PODXL2: variants seen among roughly 807,000 people sequenced by gnomAD.
The protein encoded by PODXL2 is podocalyxin like 2, also known as podocalyxin-like protein 2.
PODXL2 carries 17 observed loss-of-function variants against 53.4 expected under a neutral mutation model. That is an observed-to-expected ratio of 0.32 (90% CI 0.22 to 0.48). The LOEUF (loss-of-function observed/expected upper bound fraction) is 0.48. PODXL2 is among the 20% of genes least tolerant of loss of function. The pLI, the probability that PODXL2 is intolerant of heterozygous loss-of-function variation, is 0.99. For synonymous variants in PODXL2, 311 were observed against 306.7 expected, an observed-to-expected ratio of 1.01 and a Z score of -0.15; for missense variants, 673 against 760.0, an observed-to-expected ratio of 0.89 and a Z score of 1.35.
intron 6 of PODXL2, among the ~76,000 whole-genome samples, chr3:127,670,800 C>T (rs543420557): frequency 3.2e-4 from 48 of 152,316 alleles, no homozygotes; most frequent in African/African-American, 1.1e-3. Flanking sequence ...TGGCCCCTGG[C>T]GCCGATCTCC....
intron 4 of PODXL2, 28 bp from the exon 5 acceptor site, chr3:127,668,413 A>C: frequency 6.7e-7 from 1 of 1,497,452 alleles, no homozygotes; most frequent in South Asian, 1.4e-5. Context: ...CCTTCACTGA[A>C]CACGGGGGGC....
In PODXL2 at chr3:127,660,432, A is replaced by G; in HGVS notation, c.404A>G (p.Gln135Arg). 1.2e-6 allele frequency: 2 copies of G among 1,614,140 alleles called. No individual in the cohort carries two copies. Among genetic ancestry groups the G allele is most frequent in the Non-Finnish European group, 1.7e-6 (2 of 1,179,964 alleles). Reference protein sequence around the residue: ...EKAGSIEDTSQAQELPNLPSP... With the variant: ...EKAGSIEDTSRAQELPNLPSP... The stretch of plus-strand genomic sequence containing the variant: ...GCAGGTTCCATTGAAGACACCAGCC[A>G]GGCTCAAGAGCTGCCAAACCTCCCC... The change falls in exon 3 of 8, where the codon CAG becomes CGG. Residue 135 changes from glutamine to arginine, a missense_variant. Coordinates refer to ENST00000342480, the MANE Select transcript of PODXL2 (RefSeq NM_015720.4).
At chr3:127,644,393 G>A (rs539555255) in intron 2 of PODXL2, among the ~76,000 whole-genome samples, 7 of 152,278 alleles carry the variant, frequency 4.6e-5, no homozygotes, top group African/African-American at 9.6e-5. Flanking sequence ...GGTGTGAGCC[G>A]CTGTGCCTGG....
At chr3:127,637,307 C>T (rs752084711) in intron 1 of PODXL2, among the ~76,000 whole-genome samples, 1 of 152,216 alleles carries the variant, frequency 6.6e-6, no homozygotes, top group Non-Finnish European at 1.5e-5. Flanking sequence ...TAGAATCACT[C>T]TGATATTCTT....
At chr3:127,659,945 A>G (rs2074752920) in intron 2 of PODXL2, among the ~76,000 whole-genome samples, 1 of 152,064 alleles carries the variant, frequency 6.6e-6, no homozygotes. Flanking sequence ...TCCTTCGGGG[A>G]CTCCACCAAG....
intron 1 of PODXL2, 72 bp from the exon 2 acceptor site, chr3:127,639,173 A>G: frequency 1.4e-6 from 2 of 1,439,352 alleles, no homozygotes; most frequent in Non-Finnish European, 1.9e-6. Flanking sequence ...CATTTGAGAC[A>G]TGCTCTAACC....
intron 2 of PODXL2, among the ~76,000 whole-genome samples, chr3:127,653,938 A>G (rs2074705347): frequency 6.6e-6 from 1 of 152,224 alleles, no homozygotes; most frequent in Non-Finnish European, 1.5e-5. Context: ...TTTCTTAGGA[A>G]CAAAGCATTC....
rs2074555393 is a variant in PODXL2 at position 127,632,860 on chromosome 3, T to C, written c.70+3571T>C. Reference sequence around the variant, plus strand: ...AGCTCAGGAGTGACTGTATTTTTCTTTGTAATCGAGAGTCTAATAGAAATT... The same window carrying C: ...AGCTCAGGAGTGACTGTATTTTTCTCTGTAATCGAGAGTCTAATAGAAATT... On this transcript the variant is annotated intron_variant, in intron 1 of 7. Transcript: ENST00000342480. 2.0e-5 allele frequency among the ~76,000 whole-genome samples: 3 copies of C among 152,220 alleles called. No homozygotes were observed. In the South Asian group the frequency reaches 6.2e-4, roughly 31 times the overall value.
chr3:127,652,349 AG>A (rs1251459798), intron 2 of PODXL2, among the ~76,000 whole-genome samples: 4 of 152,128 alleles, frequency 2.6e-5, no homozygotes, highest in East Asian at 1.9e-4. Flanking sequence ...TAGAGCCACC[AG>A]GGGGGGCTGT....
intron 7 of PODXL2, 144 bp downstream of exon 7, chr3:127,671,757 G>A (rs2074843161): frequency 1.3e-6 from 1 of 776,782 alleles, no homozygotes; most frequent in Non-Finnish European, 2.1e-6. Flanking sequence ...TAGCACTGCT[G>A]ACTGCTCTGC....
intron 1 of PODXL2, among the ~76,000 whole-genome samples, chr3:127,633,059 G>A (rs536966779): frequency 6.6e-6 from 1 of 152,316 alleles, no homozygotes; most frequent in African/African-American, 2.4e-5. Flanking sequence ...ACATGCAAAT[G>A]TAAATAAAGG....
chr3:127,661,322 G>A (rs970502448), intron 3 of PODXL2, among the ~76,000 whole-genome samples, 163 bp downstream of exon 3: 3 of 152,184 alleles, frequency 2.0e-5, no homozygotes, highest in Non-Finnish European at 4.4e-5. Context: ...CAAACCTCAG[G>A]GCCAACAATG....
intron 2 of PODXL2, among the ~76,000 whole-genome samples, chr3:127,640,314 T>C (rs999975433): frequency 6.6e-6 from 1 of 152,086 alleles, no homozygotes; most frequent in Non-Finnish European, 1.5e-5. Flanking sequence ...TTTTTCTTTT[T>C]AAAATAGGTA....
intron 2 of PODXL2, among the ~76,000 whole-genome samples, chr3:127,639,735 G>A (rs968130148): frequency 2.0e-5 from 3 of 152,206 alleles, no homozygotes; most frequent in Non-Finnish European, 4.4e-5. Context: ...ACTAACCACT[G>A]TTTAGGGAGC....
At chr3:127,634,830 A>C (rs1196256441) in intron 1 of PODXL2, among the ~76,000 whole-genome samples, 2 of 152,220 alleles carry the variant, frequency 1.3e-5, no homozygotes, top group Non-Finnish European at 2.9e-5. Flanking sequence ...CTGTGTCAGA[A>C]GACTCGGGTG....
At chr3:127,653,031 T>G (rs1211427430) in intron 2 of PODXL2, among the ~76,000 whole-genome samples, 1 of 152,150 alleles carries the variant, frequency 6.6e-6, no homozygotes, top group Non-Finnish European at 1.5e-5. Flanking sequence ...ATCTCCCTCC[T>G]TTTCCTGCTC....
At chr3:127,645,509 G>C (rs2074646869) in intron 2 of PODXL2, among the ~76,000 whole-genome samples, 1 of 152,228 alleles carries the variant, frequency 6.6e-6, no homozygotes, top group Admixed American at 6.5e-5. Context: ...GTGGTGCCCT[G>C]TCCGGGGCTC....
chr3:127,634,742 A>T (rs978970995), intron 1 of PODXL2, among the ~76,000 whole-genome samples: 9 of 152,092 alleles, frequency 5.9e-5, no homozygotes, highest in Non-Finnish European at 1.2e-4. Context: ...AAATAAAAAT[A>T]AAAAATAAAT....
Position 127,672,618 on chromosome 3 carries a change from C to G in PODXL2, c.*138C>G, listed in dbSNP as rs949369033. 1 of 539,420 alleles carries G rather than the reference C, an allele frequency of 1.9e-6. No individual in the cohort carries two copies. The highest frequency in any genetic ancestry group is 3.1e-6 in the Non-Finnish European group (1 of 324,264). The allele number at this position is 539,420 out of a possible 1,614,324, so 33.4% of individuals were successfully genotyped here. The stretch of plus-strand genomic sequence containing the variant: ...CTGGCCCTCGGCGCGGGCTCCTTCC[C>G]GCTTCCCCCGACTTCACACGGCGGC... On this transcript the variant is annotated 3_prime_UTR_variant, in exon 8 of 8. Coordinates refer to ENST00000342480, the MANE Select transcript of PODXL2 (RefSeq NM_015720.4).
Sources: allele counts gnomAD v4.1 joint callset (sites outside exome capture counted in the v4.1 genomes callset), GRCh38; gene constraint gnomAD v4.1.1; transcripts MANE v1.5; gene names NCBI Gene and HGNC (gene_info 2026-07-23, HGNC 2026-07-21).